Variants in PUDP observed in about 807,000 individuals in gnomAD.
The protein encoded by PUDP is pseudouridine-5'-phosphatase.
In PUDP, 8 loss-of-function variants were observed where a neutral mutation model predicts 9.4. That is an observed-to-expected ratio of 0.85 (90% CI 0.50 to 1.53). The LOEUF (loss-of-function observed/expected upper bound fraction) is 1.53, where lower values mean the gene tolerates loss of function less well. PUDP is among the 40% of genes most tolerant of loss of function. PUDP has a pLI of 0.00. For missense variants in PUDP, 188 were observed against 189.7 expected (o/e 0.99, Z 0.05); for synonymous variants, 99 against 80.7 (o/e 1.23, Z -1.22).
At chrX:6,879,176 C>A (rs1927309275) in intron 3 of PUDP, among the ~76,000 whole-genome samples, 1 of 111,429 alleles carries the variant, frequency 9.0e-6, no homozygotes, top group Non-Finnish European at 1.9e-5. Flanking sequence ...ACCATGTTAC[C>A]CCATGGTTAC....
At chrX:7,007,342 G>T (rs1273134811) in intron 1 of PUDP, among the ~76,000 whole-genome samples, 1 of 112,092 alleles carries the variant, frequency 8.9e-6, no homozygotes, top group East Asian at 2.8e-4. Context: ...CAAATGTTAA[G>T]TTTCAAGTTT....
intron 3 of PUDP, among the ~76,000 whole-genome samples, chrX:6,946,762 A>T (rs147270380): frequency 8.5e-4 from 95 of 112,239 alleles, no homozygotes; most frequent in African/African-American, 2.9e-3. Flanking sequence ...TGTCTTATGG[A>T]AAAACATTAA....
At chrX:6,960,433 C>T (rs1372562080) in intron 3 of PUDP, among the ~76,000 whole-genome samples, 2 of 111,879 alleles carry the variant, frequency 1.8e-5, no homozygotes, top group Non-Finnish European at 1.9e-5. Context: ...TAACTTACTG[C>T]TCTTGCTCTC....
At chrX:6,750,226 A>G (rs1344863593) in intron 3 of PUDP, among the ~76,000 whole-genome samples, 1 of 112,300 alleles carries the variant, frequency 8.9e-6, no homozygotes, top group African/African-American at 3.2e-5. Context: ...ACAGATTTAT[A>G]TGAATGATTT....
chrX:7,081,014 G>C (rs1310580611), intron 2 of PUDP, among the ~76,000 whole-genome samples: 1 of 110,428 alleles, frequency 9.1e-6, no homozygotes, highest in African/African-American at 3.3e-5. Context: ...TTTAAAACAA[G>C]ATTTTTAAAT....
chrX:6,855,313 G>A (rs1446773339), intron 3 of PUDP, among the ~76,000 whole-genome samples: 1 of 111,822 alleles, frequency 8.9e-6, no homozygotes, highest in Non-Finnish European at 1.9e-5. Context: ...TATTTTAATT[G>A]ACCATTTATC....
intron 3 of PUDP, among the ~76,000 whole-genome samples, chrX:6,772,112 T>C (rs763063290): frequency 1.8e-5 from 2 of 112,318 alleles, no homozygotes; most frequent in Non-Finnish European, 3.8e-5. Context: ...GGCAATGCCT[T>C]GTATCCTAAT....
chrX:7,032,853 A>T (rs1183115876), intron 1 of PUDP, among the ~76,000 whole-genome samples: 2 of 112,246 alleles, frequency 1.8e-5, no homozygotes, highest in East Asian at 2.8e-4. Context: ...ATAAAATTTT[A>T]AAAAAACCAC....
intron 3 of PUDP, among the ~76,000 whole-genome samples, chrX:6,882,764 C>T (rs772826175): frequency 9.1e-5 from 10 of 110,444 alleles, no homozygotes; most frequent in African/African-American, 2.6e-4. Context: ...TTATCCAGGG[C>T]GATGATGATG....
chrX:6,970,533 T>C (rs1376673537), intron 3 of PUDP, among the ~76,000 whole-genome samples: 1 of 111,480 alleles, frequency 9.0e-6, no homozygotes, highest in Non-Finnish European at 1.9e-5. Context: ...GACTCCTATT[T>C]GGCCATAAGC....
intron 3 of PUDP, among the ~76,000 whole-genome samples, chrX:6,932,417 G>C (rs1282195648): frequency 8.9e-6 from 1 of 111,846 alleles, no homozygotes. Flanking sequence ...AAAGTGCATA[G>C]CTCATCCATT....
chrX:6,834,293 C>T, intron 3 of PUDP, among the ~76,000 whole-genome samples: 1 of 111,711 alleles, frequency 9.0e-6, no homozygotes, highest in African/African-American at 3.3e-5. Context: ...TTATTTAGTG[C>T]TGACTTTATT....
intron 3 of PUDP, among the ~76,000 whole-genome samples, chrX:6,971,100 AG>A (rs1383016053): frequency 9.0e-6 from 1 of 111,679 alleles, no homozygotes. Context: ...GAATAGCTTC[AG>A]CCCCTGTCTT....
At chrX:6,958,803 T>C (rs1602690708) in intron 3 of PUDP, among the ~76,000 whole-genome samples, 1 of 103,232 alleles carries the variant, frequency 9.7e-6, no homozygotes, top group Non-Finnish European at 2.0e-5. Flanking sequence ...CAGATGGAAA[T>C]GAGGAACAAC....
upstream of PUDP, among the ~76,000 whole-genome samples, chrX:6,722,442 CA>C (rs771530051): frequency 8.9e-4 from 82 of 92,448 alleles, no homozygotes; most frequent in East Asian, 3.8e-3. Flanking sequence ...GAGACTGTCT[CA>C]AAAAAAAAAA....
chrX:7,100,871 A>G (rs1322647965), intron 2 of PUDP, among the ~76,000 whole-genome samples: 1 of 112,202 alleles, frequency 8.9e-6, no homozygotes, highest in African/African-American at 3.2e-5. Flanking sequence ...TTTCTGCTCT[A>G]TACATTCAGT....
intron 3 of PUDP, among the ~76,000 whole-genome samples, chrX:7,073,054 C>T (rs1226867037): frequency 1.8e-5 from 2 of 110,791 alleles, no homozygotes; most frequent in African/African-American, 6.6e-5. Flanking sequence ...CACATGGAGG[C>T]CCTCTACCCA....
intron 1 of PUDP, among the ~76,000 whole-genome samples, chrX:6,719,419 C>G: frequency 8.9e-6 from 1 of 112,188 alleles, no homozygotes; most frequent in Non-Finnish European, 1.9e-5. Flanking sequence ...TTTGGGGAAA[C>G]ACAGCTCAGT....
In PUDP at chrX:6,921,746, T is replaced by C. The variant is rs1928026647; in HGVS notation, c.*247+55387A>G. Among the ~76,000 whole-genome samples the C allele has an allele frequency of 3.6e-5, 4 of 110,197 alleles. No homozygotes were observed. In the South Asian group the frequency reaches 1.6e-3, roughly 45 times the overall value. ...CTGCCGACTACTCCAAAGTTAACAA[T>C]CATTTACCCAAAGAGAACCCTCCCT... On this transcript the variant is annotated intron_variant and NMD_transcript_variant, in intron 3 of 3. Coordinates refer to the PUDP transcript ENST00000655425.
Sources: gnomAD v4.1 joint callset for allele counts (sites outside exome capture counted in the v4.1 genomes callset) on GRCh38, gnomAD v4.1.1 for gene constraint, MANE v1.5 for transcripts, NCBI Gene and HGNC (gene_info 2026-07-23, HGNC 2026-07-21) for gene names.